The following HORMAD2 variants were observed in gnomAD, a reference collection of about 807,000 sequenced individuals.
The protein encoded by HORMAD2 is HORMA domain containing 2.
In HORMAD2, 45 loss-of-function variants were observed where a neutral mutation model predicts 38.8. That is an observed-to-expected ratio of 1.16 (90% CI 0.91 to 1.49). The LOEUF is 1.49. Among genes scored for constraint, HORMAD2 ranks in the 40% most tolerant of loss-of-function variants. The pLI, the probability that HORMAD2 is intolerant of heterozygous loss-of-function variation, is 0.00. For synonymous variants in HORMAD2, 126 were observed against 122.8 expected, an observed-to-expected ratio of 1.03 and a Z score of -0.17; for missense variants, 338 against 367.0, an observed-to-expected ratio of 0.92 and a Z score of 0.65.
intron 7 of HORMAD2, among the ~76,000 whole-genome samples, chr22:30,116,576 A>G (rs768545492): frequency 6.6e-6 from 1 of 152,192 alleles, no homozygotes; most frequent in Non-Finnish European, 1.5e-5. Context: ...TCAATGGTTC[A>G]TCTTTATTAG....
intron 10 of HORMAD2, among the ~76,000 whole-genome samples, chr22:30,155,931 C>T (rs181227649): frequency 6.2e-4 from 94 of 152,322 alleles, no homozygotes; most frequent in South Asian, 6.0e-3. Context: ...GGACTCTTGA[C>T]TCTACTCCCC....
chr22:30,181,220 C>T (rs1418418122), downstream of HORMAD2, among the ~76,000 whole-genome samples: 1 of 151,726 alleles, frequency 6.6e-6, no homozygotes, highest in Admixed American at 6.6e-5. Flanking sequence ...TGCCACGTTG[C>T]CCAGGCTGGT....
intron 9 of HORMAD2, 73 bp downstream of exon 9, chr22:30,121,862 C>T: frequency 6.5e-7 from 1 of 1,539,974 alleles, no homozygotes; most frequent in Non-Finnish European, 8.7e-7. Context: ...AAGGATTTTG[C>T]AGGCATCTGA....
Position 30,156,376 on chromosome 22 carries a change from A to G in HORMAD2, c.820-19687A>G, listed in dbSNP as rs534835410. On this transcript the variant is annotated intron_variant, in intron 10 of 10. Coordinates refer to ENST00000336726, the MANE Select transcript of HORMAD2 (RefSeq NM_152510.4). The stretch of plus-strand genomic sequence containing the variant: ...ATTCATCTGCCTTAAATACTGTAGC[A>G]ATCAGTGGACCAAGAGCCAAATCAT... Among the ~76,000 whole-genome samples the G allele has an allele frequency of 1.6e-3, 243 of 152,350 alleles. 2 individuals are homozygous for G. Among genetic ancestry groups the G allele is most frequent in the Non-Finnish European group, 2.5e-3 (169 of 68,038 alleles).
rs1306217099 is a variant in HORMAD2, at chr22:30,176,068, A to G, written c.825A>G (p.Gln275=). ...DEEEECNDHI[Q]RMNFVCSQQS... The stretch of plus-strand genomic sequence containing the variant: ...CTCTCTGGTGATTCTCACAGATTCA[A>G]AGAATGAATTTTGTGTGCAGTCAGC... Residue 275 remains glutamine (Q), a synonymous_variant, in exon 11 of 11, where the codon CAA becomes CAG. Coordinates refer to ENST00000336726, the MANE Select transcript of HORMAD2 (RefSeq NM_152510.4). 9 of 1,608,970 alleles carry G rather than the reference A, an allele frequency of 5.6e-6. No individual in the cohort carries two copies. The Admixed American group carries it at 6.7e-5, about 12-fold the overall frequency.
At chr22:30,164,819 A>G (rs945276022) in intron 10 of HORMAD2, among the ~76,000 whole-genome samples, 1 of 152,120 alleles carries the variant, frequency 6.6e-6, no homozygotes, top group Non-Finnish European at 1.5e-5. Context: ...GTTGTTGTTG[A>G]GTTGTAGGAA....
intron 7 of HORMAD2, among the ~76,000 whole-genome samples, chr22:30,116,868 C>A (rs146395250): frequency 1.3e-5 from 2 of 152,160 alleles, no homozygotes; most frequent in African/African-American, 4.8e-5. Context: ...GAAACATGGG[C>A]AGGCAGGAAG....
At chr22:30,165,852 G>T (rs1332513786) in intron 10 of HORMAD2, among the ~76,000 whole-genome samples, 1 of 151,782 alleles carries the variant, frequency 6.6e-6, no homozygotes, top group Admixed American at 6.6e-5. Flanking sequence ...ATCTACTCTT[G>T]TGATATAATT....
chr22:30,157,996 T>C (rs1925188689), intron 10 of HORMAD2, among the ~76,000 whole-genome samples: 4 of 152,158 alleles, frequency 2.6e-5, no homozygotes, highest in Admixed American at 2.6e-4. Flanking sequence ...TTGTTTTACA[T>C]ATATTAACAC....
the HORMAD2 span, among the ~76,000 whole-genome samples, chr22:30,196,232 C>T: frequency 1.3e-5 from 2 of 152,202 alleles, no homozygotes; most frequent in Admixed American, 6.5e-5. Flanking sequence ...AAACCTATAA[C>T]CCCTGGTTTC....
intron 4 of HORMAD2, among the ~76,000 whole-genome samples, chr22:30,104,127 T>A (rs929885377): frequency 6.6e-6 from 1 of 152,194 alleles, no homozygotes; most frequent in Non-Finnish European, 1.5e-5. Flanking sequence ...ACACAGATTT[T>A]AAAAATTGAT....
In HORMAD2 at chr22:30,090,118, A is replaced by T. The variant is rs190422889; in HGVS notation, c.-37-3798A>T. On this transcript the variant is annotated intron_variant, in intron 1 of 10. Transcript: ENST00000336726. ...TGGCTCATGCCTATAATCCCAGCACACTGGGAGGATGAGGCGGGTGGATTG... is the reference window on the plus strand; with the variant it reads ...TGGCTCATGCCTATAATCCCAGCACTCTGGGAGGATGAGGCGGGTGGATTG... Among the ~76,000 whole-genome samples, 6 of 152,272 alleles carry T rather than the reference A, an allele frequency of 3.9e-5. No homozygotes were observed. The East Asian group carries it at 9.7e-4, about 25-fold the overall frequency.
rs761964768 is a variant in HORMAD2 at position 30,098,953 on chromosome 22, C to T, written c.153C>T (p.Gly51=). ...TSISCITYLR[G]LFPESSYGER... The stretch of plus-strand genomic sequence containing the variant: ...TCTCATGTATAACATACCTAAGGGG[C>T]CTGTTTCCAGAGAGCTCTTATGGAG... Residue 51 remains glycine, a synonymous_variant, in exon 3 of 11, where the codon GGC becomes GGT. Coordinates refer to ENST00000336726, the MANE Select transcript of HORMAD2 (RefSeq NM_152510.4). 4 of 1,612,506 alleles carry T rather than the reference C, an allele frequency of 2.5e-6. No individual in the cohort carries two copies. Among genetic ancestry groups the T allele is most frequent in the Non-Finnish European group, 1.7e-6 (2 of 1,179,102 alleles).
At chr22:30,082,336 G>C (rs549873075) in intron 1 of HORMAD2, among the ~76,000 whole-genome samples, 1 of 152,118 alleles carries the variant, frequency 6.6e-6, no homozygotes, top group Non-Finnish European at 1.5e-5. Flanking sequence ...GATTATATTT[G>C]GGAAAATGTA....
chr22:30,207,157 G>A, the HORMAD2 span: 62 of 461,760 alleles, frequency 1.3e-4, no homozygotes, highest in Admixed American at 1.2e-3. Flanking sequence ...GCTCCCGCCC[G>A]CCCAGGCTGA....
intron 10 of HORMAD2, among the ~76,000 whole-genome samples, chr22:30,153,438 T>A (rs1924879131): frequency 1.3e-5 from 2 of 152,196 alleles, no homozygotes; most frequent in African/African-American, 4.8e-5. Flanking sequence ...CTCCACCTTA[T>A]CTGTCTTATT....
intron 10 of HORMAD2, among the ~76,000 whole-genome samples, chr22:30,169,697 C>G (rs917635438): frequency 1.5e-4 from 23 of 152,200 alleles, no homozygotes; most frequent in African/African-American, 5.5e-4. Context: ...ATTTGGATAT[C>G]TCACATCTAA....
chr22:30,145,452 A>G (rs894663608), intron 10 of HORMAD2, among the ~76,000 whole-genome samples: 2 of 152,364 alleles, frequency 1.3e-5, no homozygotes, highest in Admixed American at 6.5e-5. Context: ...AATATGCTCA[A>G]ATATTTAAAG....
intron 3 of HORMAD2, among the ~76,000 whole-genome samples, chr22:30,099,463 A>G (rs1199236279): frequency 6.6e-6 from 1 of 152,130 alleles, no homozygotes; most frequent in Non-Finnish European, 1.5e-5. Context: ...TATTATTCTA[A>G]TCAGTTCTGG....
Sources: gnomAD v4.1 joint callset for allele counts (sites outside exome capture counted in the v4.1 genomes callset) on GRCh38, gnomAD v4.1.1 for gene constraint, MANE v1.5 for transcripts, NCBI Gene and HGNC (gene_info 2026-07-23, HGNC 2026-07-21) for gene names.